GRM3: variants seen among roughly 807,000 people sequenced by gnomAD.
The protein encoded by GRM3 is metabotropic glutamate receptor 3.
GRM3 carries 26 observed loss-of-function variants against 70.5 expected under a neutral mutation model. The observed-to-expected ratio is 0.37, with a 90% CI of 0.27 to 0.51. The LOEUF (loss-of-function observed/expected upper bound fraction) is 0.51, where lower values mean the gene tolerates loss of function less well. Ranked by LOEUF, GRM3 falls within the 20% of genes least tolerant of loss-of-function variation. GRM3 has a pLI of 0.93. For synonymous variants in GRM3, 443 were observed against 434.9 expected (o/e 1.02, Z -0.23); for missense variants, 859 against 1,123.8 (o/e 0.76, Z 3.37).
chr7:86,735,470 A>G (rs1398633020), intron 1 of GRM3, among the ~76,000 whole-genome samples: 4 of 152,190 alleles, frequency 2.6e-5, no homozygotes, highest in East Asian at 3.8e-4. Flanking sequence ...TCTTATCTCC[A>G]TTGTTAAATA....
chr7:86,686,029 G>C (rs1179200904), intron 1 of GRM3, among the ~76,000 whole-genome samples: 1 of 151,906 alleles, frequency 6.6e-6, no homozygotes, highest in Admixed American at 6.6e-5. Flanking sequence ...AATATATGTA[G>C]CTTAAAATAA....
At chr7:86,819,353 G>A (rs956593126) in intron 3 of GRM3, among the ~76,000 whole-genome samples, 1 of 151,974 alleles carries the variant, frequency 6.6e-6, no homozygotes, top group Non-Finnish European at 1.5e-5. Context: ...TTGAAAAAAA[G>A]GATTTTACAT....
chr7:86,776,945 A>G (rs936882517), intron 2 of GRM3, among the ~76,000 whole-genome samples: 1 of 152,160 alleles, frequency 6.6e-6, no homozygotes, highest in African/African-American at 2.4e-5. Flanking sequence ...AAACTAATGC[A>G]TGGGGGAAAA....
Position 86,650,186 on chromosome 7 carries a change from G to A in GRM3, c.-141+5314G>A, listed in dbSNP as rs573527858. On this transcript the variant is annotated intron_variant, in intron 1 of 5. Coordinates refer to ENST00000361669, the MANE Select transcript of GRM3 (RefSeq NM_000840.3). ...AGAACTATACAGTACCTGTGAAGTA[G>A]GTACTGGGATCCTCATTTTATACAG... Among the ~76,000 whole-genome samples the A allele has an allele frequency of 2.6e-5, 4 of 152,184 alleles. No individual in the cohort carries two copies. In the South Asian group the frequency reaches 8.3e-4, roughly 32 times the overall value.
At chr7:86,697,162 G>T (rs1794836437) in intron 1 of GRM3, among the ~76,000 whole-genome samples, 1 of 152,044 alleles carries the variant, frequency 6.6e-6, no homozygotes, top group African/African-American at 2.4e-5. Flanking sequence ...GGAGGGAATG[G>T]GAGAGAAGAA....
intron 3 of GRM3, among the ~76,000 whole-genome samples, chr7:86,804,913 AC>A (rs959282791): frequency 9.9e-5 from 15 of 152,140 alleles, no homozygotes; most frequent in Non-Finnish European, 1.8e-4. Flanking sequence ...AGAGTTCAAG[AC>A]CAGCCTAGGT....
intron 1 of GRM3, among the ~76,000 whole-genome samples, chr7:86,655,853 G>GTGTGTGTGGGTGGGTGTGTGTGT (rs1562814701): frequency 7.4e-6 from 1 of 134,658 alleles, no homozygotes; most frequent in East Asian, 2.1e-4. Flanking sequence ...TGTGTGTGTG[G>GTGTGTGTGGGTGGGTGTGTGTGT]GTGGGTGGGT....
intron 1 of GRM3, among the ~76,000 whole-genome samples, chr7:86,719,127 G>A (rs911526977): frequency 2.0e-5 from 3 of 151,092 alleles, no homozygotes; most frequent in Admixed American, 6.6e-5. Context: ...CAGTTCTGGG[G>A]GAAAAAAAAG....
chr7:86,810,899 C>A (rs1262280872), intron 3 of GRM3, among the ~76,000 whole-genome samples: 3 of 151,896 alleles, frequency 2.0e-5, no homozygotes, highest in African/African-American at 7.2e-5. Context: ...AAATAAATTC[C>A]CATATTTTTT....
chr7:86,648,029 A>G (rs1793518052), intron 1 of GRM3, among the ~76,000 whole-genome samples: 2 of 152,192 alleles, frequency 1.3e-5, no homozygotes. Flanking sequence ...GGACTAGTTC[A>G]TCCTCTTGTC....
chr7:86,790,749 C>T (rs920982479), intron 3 of GRM3, among the ~76,000 whole-genome samples: 17 of 152,112 alleles, frequency 1.1e-4, no homozygotes, highest in African/African-American at 4.1e-4. Flanking sequence ...TATATTGCCC[C>T]TAACCCAGAT....
At chr7:86,694,308 G>C (rs563391577) in intron 1 of GRM3, among the ~76,000 whole-genome samples, 1 of 151,984 alleles carries the variant, frequency 6.6e-6, no homozygotes, top group Admixed American at 6.6e-5. Flanking sequence ...GGCAGATCAC[G>C]AGGTCAGGAG....
chr7:86,745,432 C>T (rs565327661), intron 1 of GRM3, among the ~76,000 whole-genome samples: 1 of 152,074 alleles, frequency 6.6e-6, no homozygotes, highest in African/African-American at 2.4e-5. Flanking sequence ...AAAAATCTTA[C>T]TTAAACATCT....
At chr7:86,739,396 G>C (rs967464253) in intron 1 of GRM3, among the ~76,000 whole-genome samples, 8 of 152,030 alleles carry the variant, frequency 5.3e-5, no homozygotes, top group Admixed American at 2.6e-4. Context: ...TTCTACTCTC[G>C]CTTCTGTGAA....
At chr7:86,731,535 G>A (rs148858663) in intron 1 of GRM3, among the ~76,000 whole-genome samples, 165 of 152,172 alleles carry the variant, frequency 1.1e-3, no homozygotes, top group African/African-American at 3.6e-3. Flanking sequence ...ATATACTGCC[G>A]GATTATTTGG....
chr7:86,694,767 G>GGAAAGTTAGGTCAA (rs1794777854), intron 1 of GRM3, among the ~76,000 whole-genome samples: 1 of 152,136 alleles, frequency 6.6e-6, no homozygotes, highest in East Asian at 1.9e-4. Context: ...AGGTTCTGCT[G>GGAAAGTTAGGTCAA]TTTTCCTGAG....
intron 3 of GRM3, among the ~76,000 whole-genome samples, chr7:86,808,622 G>A (rs1479981648): frequency 1.3e-5 from 2 of 151,980 alleles, no homozygotes; most frequent in Non-Finnish European, 2.9e-5. Flanking sequence ...GTGTTTGTAT[G>A]TGTGTGTGTT....
intron 1 of GRM3, among the ~76,000 whole-genome samples, chr7:86,689,332 A>G (rs2116018204): frequency 6.6e-6 from 1 of 152,124 alleles, no homozygotes; most frequent in South Asian, 2.1e-4. Context: ...CAGTAAATAG[A>G]TAATTCATTT....
At chr7:86,725,003 G>A (rs1193089398) in intron 1 of GRM3, among the ~76,000 whole-genome samples, 3 of 151,860 alleles carry the variant, frequency 2.0e-5, no homozygotes, top group Non-Finnish European at 2.9e-5. Context: ...GGTGGATCCT[G>A]GACATTAGCA....
Sources: allele counts gnomAD v4.1 joint callset (sites outside exome capture counted in the v4.1 genomes callset), GRCh38; gene constraint gnomAD v4.1.1; transcripts MANE v1.5; gene names NCBI Gene and HGNC (gene_info 2026-07-23, HGNC 2026-07-21).